CMTM4: variants seen among roughly 807,000 people sequenced by gnomAD.
The protein encoded by CMTM4 is CKLF-like MARVEL transmembrane domain-containing protein 4.
CMTM4 carries 8 observed loss-of-function variants against 19.0 expected under a neutral mutation model. The ratio of observed to expected loss-of-function variants is 0.42; its 90% CI spans 0.25 to 0.76. The LOEUF (loss-of-function observed/expected upper bound fraction) is 0.76, where lower values mean the gene tolerates loss of function less well. CMTM4 is among the 30% of genes least tolerant of loss of function. CMTM4 has a pLI of 0.27. For missense variants in CMTM4, 228 were observed against 290.2 expected, an observed-to-expected ratio of 0.79 and a Z score of 1.56; for synonymous variants, 106 against 121.1, an observed-to-expected ratio of 0.88 and a Z score of 0.82.
chr16:66,661,591 T>G (rs1357642972), intron 1 of CMTM4, among the ~76,000 whole-genome samples: 1 of 152,194 alleles, frequency 6.6e-6, no homozygotes, highest in East Asian at 1.9e-4. Context: ...TTTTATATGA[T>G]TCCTTGCACA....
chr16:66,623,459 G>A lies in CMTM4; in HGVS notation c.407C>T (p.Ala136Val), dbSNP rs746281125. Residue 136 changes from alanine to valine, a missense_variant, in exon 3 of 4, where the codon GCT (alanine) becomes GTT (valine). Around this residue, in one of 3 missense-constraint regions of CMTM4, gnomAD observed 200 missense variants for 226.6 expected, o/e 0.88. Coordinates refer to ENST00000394106, the MANE Select transcript of CMTM4 (RefSeq NM_181521.3). ...TGLSAFLFFIASIVLAALNHR... is the reference protein window; with the variant it reads ...TGLSAFLFFIVSIVLAALNHR... ...GTTTAAAGCAGCCAGTACGATTGAA[G>A]CAATAAAGAAAAGGAAAGCGCTGAG... The A allele has an allele frequency of 1.9e-6, 3 of 1,614,014 alleles. No homozygotes were observed. The highest frequency in any genetic ancestry group is 2.5e-6 in the Non-Finnish European group (3 of 1,179,972).
At chr16:66,637,317 G>T (rs1382507217) in intron 1 of CMTM4, among the ~76,000 whole-genome samples, 1 of 152,130 alleles carries the variant, frequency 6.6e-6, no homozygotes, top group Non-Finnish European at 1.5e-5. Context: ...GGCCAAGGTT[G>T]GCAGATCACC....
At chr16:66,686,253 CAAAA>C in intron 1 of CMTM4, among the ~76,000 whole-genome samples, 1 of 95,468 alleles carries the variant, frequency 1.0e-5, no homozygotes, top group African/African-American at 4.0e-5. Context: ...ATTCCGTCTC[CAAAA>C]AAAAAAAAAA....
chr16:66,650,594 T>G (rs1257013919), intron 1 of CMTM4, among the ~76,000 whole-genome samples: 1 of 152,118 alleles, frequency 6.6e-6, no homozygotes, highest in Non-Finnish European at 1.5e-5. Flanking sequence ...ATCCCTGGTC[T>G]TAGGGTATCA....
chr16:66,647,628 T>C (rs1450483551), intron 1 of CMTM4, among the ~76,000 whole-genome samples: 1 of 152,048 alleles, frequency 6.6e-6, no homozygotes, highest in East Asian at 1.9e-4. Flanking sequence ...TCTCTCTGAG[T>C]GCTACTCAGA....
intron 1 of CMTM4, among the ~76,000 whole-genome samples, chr16:66,644,030 A>C (rs2016145037): frequency 1.3e-5 from 2 of 152,240 alleles, no homozygotes; most frequent in Admixed American, 1.3e-4. Flanking sequence ...CTAGGATTAC[A>C]GGTGTGAGCC....
the CMTM4 span, chr16:66,604,435 G>C: frequency 5.7e-6 from 1 of 175,226 alleles, no homozygotes; most frequent in African/African-American, 2.4e-5. Flanking sequence ...CAGGAAGTTA[G>C]ACCGGAGACA....
At chr16:66,599,598 T>C in the CMTM4 span, among the ~76,000 whole-genome samples, 14 of 152,122 alleles carry the variant, frequency 9.2e-5, no homozygotes, top group Non-Finnish European at 1.5e-4. Flanking sequence ...TGGGCTCAAG[T>C]GATCCTCCCA....
chr16:66,605,932 T>C, the CMTM4 span, among the ~76,000 whole-genome samples: 1 of 151,678 alleles, frequency 6.6e-6, no homozygotes, highest in Non-Finnish European at 1.5e-5. This position sits in a 1 kb window ranked among gnomAD's most constrained non-coding sequence, Gnocchi z 4.6. Flanking sequence ...AATGCCACAC[T>C]CCGAGCCCAC....
At chr16:66,612,519 C>T (rs2015418124), downstream of CMTM4, 1 of 1,394,324 alleles carries the variant, frequency 7.2e-7, no homozygotes, top group Non-Finnish European at 1.0e-6. The surrounding 1 kb of genome is among the most constrained non-coding windows in gnomAD (Gnocchi z 6.0). Flanking sequence ...CAGGCTCCTG[C>T]CAGCAACCCA....
chr16:66,694,566 A>G (rs1252370773), intron 1 of CMTM4, among the ~76,000 whole-genome samples: 1 of 152,000 alleles, frequency 6.6e-6, no homozygotes, highest in Non-Finnish European at 1.5e-5. Context: ...TACAAAAATT[A>G]GCTGGGCGTG....
downstream of CMTM4, chr16:66,610,770 T>C (rs933182522): frequency 5.0e-6 from 2 of 398,622 alleles, no homozygotes; most frequent in African/African-American, 4.1e-5. This position sits in a 1 kb window ranked among gnomAD's most constrained non-coding sequence, Gnocchi z 4.6. Context: ...TGGAAGGGCC[T>C]GCAGGCCCCA....
intron 1 of CMTM4, among the ~76,000 whole-genome samples, chr16:66,687,685 T>G (rs1199660911): frequency 6.9e-6 from 1 of 144,002 alleles, no homozygotes; most frequent in Non-Finnish European, 1.5e-5. Context: ...AAGGGTAATT[T>G]TTTTTTTTTT....
intron 2 of CMTM4, among the ~76,000 whole-genome samples, chr16:66,634,396 C>T (rs867763618): frequency 1.3e-5 from 2 of 151,430 alleles, no homozygotes; most frequent in Non-Finnish European, 2.9e-5. Context: ...GCCGAGATCA[C>T]GCCACTGCAC....
chr16:66,634,705 T>C (rs2015957756), intron 2 of CMTM4, among the ~76,000 whole-genome samples: 1 of 151,956 alleles, frequency 6.6e-6, no homozygotes, highest in Admixed American at 6.6e-5. Context: ...CAGCGCCCAC[T>C]GGTTTGAGGC....
At chr16:66,651,158 C>T (rs1178742669) in intron 1 of CMTM4, among the ~76,000 whole-genome samples, 2 of 152,046 alleles carry the variant, frequency 1.3e-5, no homozygotes, top group South Asian at 4.1e-4. Context: ...ACTGTGCTTC[C>T]GAAGCCAGCT....
intron 1 of CMTM4, among the ~76,000 whole-genome samples, chr16:66,687,635 T>C (rs2017058078): frequency 6.6e-6 from 1 of 151,822 alleles, no homozygotes; most frequent in Non-Finnish European, 1.5e-5. Flanking sequence ...TCACTATCAG[T>C]CTGTTGTCTG....
chr16:66,604,627 AG>A, the CMTM4 span: 1 of 283,890 alleles, frequency 3.5e-6, no homozygotes, highest in Non-Finnish European at 4.8e-6. Context: ...CCGGGGTCCG[AG>A]GGGGAGGGGC....
the CMTM4 span, chr16:66,604,887 C>G: frequency 4.9e-6 from 7 of 1,435,368 alleles, no homozygotes; most frequent in South Asian, 1.4e-5. Flanking sequence ...CCCCGGGCTC[C>G]GCGCCCTGCT....
Sources: gnomAD v4.1 joint callset for allele counts (sites outside exome capture counted in the v4.1 genomes callset) on GRCh38, gnomAD v4.1.1 for gene constraint, gnomAD v4.1.1 regional missense constraint, Gnocchi (gnomAD v3.1) non-coding constraint, MANE v1.5 for transcripts, NCBI Gene and HGNC (gene_info 2026-07-23, HGNC 2026-07-21) for gene names.